The following PIEZO2 variants were observed in gnomAD, a reference collection of about 807,000 sequenced individuals.
The protein encoded by PIEZO2 is piezo-type mechanosensitive ion channel component 2.
In PIEZO2, 172 loss-of-function variants were observed where a neutral mutation model predicts 337.3. That is an observed-to-expected ratio of 0.51 (90% CI 0.45 to 0.58). The LOEUF (loss-of-function observed/expected upper bound fraction) is 0.58. PIEZO2 is among the 20% of genes least tolerant of loss of function. The pLI is 0.00. For missense variants in PIEZO2, 3,028 were observed against 3,391.3 expected (o/e 0.89, Z 2.66); for synonymous variants, 1,251 against 1,228.5 (o/e 1.02, Z -0.38).
In PIEZO2 at chr18:10,789,128, T is replaced by A; in HGVS notation, c.2120A>T (p.Tyr707Phe). 1 of 1,537,294 alleles carries A rather than the reference T, an allele frequency of 6.5e-7. No homozygotes were observed. Among genetic ancestry groups the A allele is most frequent in the Non-Finnish European group, 8.7e-7 (1 of 1,146,916 alleles). Residue 707 changes from tyrosine to phenylalanine, a missense_variant, in exon 15 of 56, where the codon TAC (tyrosine) becomes TTC (phenylalanine). By Grantham distance (22) the Tyr-to-Phe change is conservative. Transcript: ENST00000674853. ...FVSFEGKIVM[Y>F]KIIYMVLFLF... The stretch of plus-strand genomic sequence containing the variant: ...GAACAGCACCATGTAGATGATTTTG[T>A]ACATTACGATTTTACCCTCGAAGCT...
At chr18:10,941,236 G>A (rs547201624) in intron 3 of PIEZO2, among the ~76,000 whole-genome samples, 9 of 152,240 alleles carry the variant, frequency 5.9e-5, no homozygotes, top group African/African-American at 1.9e-4. Context: ...AGAGAGTAAG[G>A]AATCCTTAGA....
intron 2 of PIEZO2, among the ~76,000 whole-genome samples, chr18:11,043,815 AC>A (rs2037205715): frequency 6.6e-6 from 1 of 151,766 alleles, no homozygotes; most frequent in Non-Finnish European, 1.5e-5. Flanking sequence ...GACCATAGGC[AC>A]GTGCCATCAT....
intron 1 of PIEZO2, among the ~76,000 whole-genome samples, chr18:11,090,912 TAAAAA>T (rs61020782): frequency 2.4e-5 from 3 of 123,660 alleles, no homozygotes; most frequent in African/African-American, 3.0e-5. Context: ...AGACTCCGTC[TAAAAA>T]AAAAAAAAAA....
intron 18 of PIEZO2, 21 bp downstream of exon 18, chr18:10,780,304 A>C (rs1387591809): frequency 1.4e-6 from 1 of 702,856 alleles, no homozygotes; most frequent in Non-Finnish European, 2.6e-6. Context: ...AAAATAAGAG[A>C]GAAAACATTG....
chr18:11,051,283 T>C (rs2037517125), intron 2 of PIEZO2, among the ~76,000 whole-genome samples: 2 of 152,170 alleles, frequency 1.3e-5, no homozygotes, highest in South Asian at 4.2e-4. Context: ...AGTTCTTGGA[T>C]AAGACGACAA....
intron 3 of PIEZO2, among the ~76,000 whole-genome samples, chr18:10,946,043 T>C (rs1248232017): frequency 6.6e-6 from 1 of 152,192 alleles, no homozygotes; most frequent in African/African-American, 2.4e-5. Flanking sequence ...AGTATACATG[T>C]AATTGGACCC....
Position 10,815,950 on chromosome 18 carries a change from G to A in PIEZO2, c.918-8676C>T, listed in dbSNP as rs1010482218. On this transcript the variant is annotated intron_variant, in intron 7 of 55. Coordinates refer to ENST00000674853, the MANE Select transcript of PIEZO2 (RefSeq NM_001378183.1). The surrounding 1 kb of genome is among the most constrained non-coding windows in gnomAD (Gnocchi z 4.1). ...ATTGCACCCAGCACACGTCAGTGGA[G>A]TGGAAACATCATCAGTGCAATAAAA... Among the ~76,000 whole-genome samples the A allele has an allele frequency of 1.1e-4, 17 of 152,164 alleles. No homozygotes were observed. The highest frequency in any genetic ancestry group is 3.9e-4 in the African/African-American group (16 of 41,440).
At position 10,837,182 on chromosome 18, in the gene PIEZO2, C is replaced by T. The variant is rs1045229445; in HGVS notation, c.917+18171G>A. Among the ~76,000 whole-genome samples, 8 of 152,266 alleles carry T rather than the reference C, an allele frequency of 5.3e-5. No individual in the cohort carries two copies. The highest frequency in any genetic ancestry group is 4.8e-5 in the African/African-American group (2 of 41,548). Reference sequence around the variant, plus strand: ...GGATGGTGTGCACTCCTGTTGTGGACGGTAACAGAACCTGGAAATCAATGC... The same window carrying T: ...GGATGGTGTGCACTCCTGTTGTGGATGGTAACAGAACCTGGAAATCAATGC... On this transcript the variant is annotated intron_variant, in intron 7 of 55. Transcript: ENST00000674853. This position sits in a 1 kb window ranked among gnomAD's most constrained non-coding sequence, Gnocchi z 4.4.
intron 10 of PIEZO2, among the ~76,000 whole-genome samples, chr18:10,800,899 G>C (rs2039789403): frequency 6.6e-6 from 1 of 152,214 alleles, no homozygotes; most frequent in African/African-American, 2.4e-5. Flanking sequence ...ACATTGTCCT[G>C]CCTATGCCCT....
At chr18:10,796,922 A>T (rs2039620406) in intron 12 of PIEZO2, among the ~76,000 whole-genome samples, 1 of 152,112 alleles carries the variant, frequency 6.6e-6, no homozygotes, top group African/African-American at 2.4e-5. Context: ...ACATACCATC[A>T]TATATGTACT....
rs2038761666 is a variant in PIEZO2 at position 10,775,774 on chromosome 18, T to C, written c.2535-1736A>G. Among the ~76,000 whole-genome samples the C allele has an allele frequency of 6.6e-6, 1 of 152,086 alleles. No individual in the cohort carries two copies. The highest frequency in any genetic ancestry group is 1.5e-5 in the Non-Finnish European group (1 of 68,024). ...CACAAGGCTGATTTCTAGAAACTTG[T>C]AATGGGACAAGATGCAGCTGCGGAC... is the stretch of plus-strand genomic sequence containing the variant. On this transcript the variant is annotated intron_variant, in intron 18 of 55. Transcript: ENST00000674853. The surrounding 1 kb of genome is among the most constrained non-coding windows in gnomAD (Gnocchi z 4.3).
chr18:10,762,382 A>T, intron 23 of PIEZO2, 118 bp downstream of exon 23: 3 of 1,292,100 alleles, frequency 2.3e-6, no homozygotes, highest in Non-Finnish European at 3.1e-6. Context: ...GTGATGCCAA[A>T]TCCCACATGA....
rs1489319794 is a variant in PIEZO2, at chr18:11,028,062, G to A, written c.160+38065C>T. Among the ~76,000 whole-genome samples, 1 of 152,058 alleles carries A rather than the reference G, an allele frequency of 6.6e-6. No homozygotes were observed. Among genetic ancestry groups the A allele is most frequent in the Non-Finnish European group, 1.5e-5 (1 of 68,030 alleles). On this transcript the variant is annotated intron_variant, in intron 2 of 55. Coordinates refer to ENST00000674853, the MANE Select transcript of PIEZO2 (RefSeq NM_001378183.1). The surrounding 1 kb of genome is among the most constrained non-coding windows in gnomAD (Gnocchi z 4.8). ...GCTAGTCCAAGCACCGTCACAGAGG[G>A]ACAAGCAGTAGCTGCTTCTGTTGCT...
At chr18:11,019,696 C>T (rs1441788546) in intron 2 of PIEZO2, among the ~76,000 whole-genome samples, 1 of 152,104 alleles carries the variant, frequency 6.6e-6, no homozygotes, top group Non-Finnish European at 1.5e-5. Flanking sequence ...TGCACTTACC[C>T]CCCTACCCCA....
rs370904003 is a variant in PIEZO2, at chr18:10,850,632, T to C, written c.917+4721A>G. On this transcript the variant is annotated intron_variant, in intron 7 of 55. Coordinates refer to ENST00000674853, the MANE Select transcript of PIEZO2 (RefSeq NM_001378183.1). This position sits in a 1 kb window ranked among gnomAD's most constrained non-coding sequence, Gnocchi z 4.5. ...ATAGCTACACAATCACTTTGCACTC[T>C]ATGAAAATTACATTTTAGAACATTT... is the stretch of plus-strand genomic sequence containing the variant. Among the ~76,000 whole-genome samples the C allele has an allele frequency of 2.8e-4, 42 of 152,330 alleles. 1 individual carries two copies. The highest frequency in any genetic ancestry group is 9.9e-4 in the African/African-American group (41 of 41,588).
intron 9 of PIEZO2, 99 bp downstream of exon 9, chr18:10,803,776 A>C: frequency 1.4e-6 from 2 of 1,400,876 alleles, no homozygotes; most frequent in Non-Finnish European, 1.9e-6. Context: ...AGCAACCTGA[A>C]TATGATATGA....
chr18:11,058,556 T>C (rs1006436816), intron 2 of PIEZO2, among the ~76,000 whole-genome samples: 11 of 151,986 alleles, frequency 7.2e-5, no homozygotes, highest in Non-Finnish European at 1.3e-4. Flanking sequence ...CTAACTAGAA[T>C]AACCAGTGCA....
chr18:10,949,120 TCTA>T (rs1345655423), intron 3 of PIEZO2, among the ~76,000 whole-genome samples: 1 of 152,214 alleles, frequency 6.6e-6, no homozygotes, highest in Non-Finnish European at 1.5e-5. Flanking sequence ...TGTAGTTATA[TCTA>T]TTCTGAGATA....
chr18:10,790,638 G>A (rs12953664), intron 14 of PIEZO2, among the ~76,000 whole-genome samples: 11,628 of 151,690 alleles, frequency 0.077, 626 homozygotes, highest in Non-Finnish European at 0.11. Context: ...CTGGGAGGAA[G>A]CATTTAATTT....
Sources: allele counts gnomAD v4.1 joint callset (sites outside exome capture counted in the v4.1 genomes callset), GRCh38; gene constraint gnomAD v4.1.1; non-coding constraint Gnocchi (gnomAD v3.1); transcripts MANE v1.5; gene names NCBI Gene and HGNC (gene_info 2026-07-23, HGNC 2026-07-21).